The following EGLN1 variants were observed in gnomAD, a reference collection of about 807,000 sequenced individuals.
EGLN1 encodes egl nine homolog 1.
In EGLN1, 17 loss-of-function variants were observed where a neutral mutation model predicts 38.3. The ratio of observed to expected loss-of-function variants is 0.44; its 90% CI spans 0.30 to 0.67. The LOEUF (loss-of-function observed/expected upper bound fraction) is 0.67, where lower values mean the gene tolerates loss of function less well. Ranked by LOEUF, EGLN1 falls within the 30% of genes least tolerant of loss-of-function variation. The pLI, the probability that EGLN1 is intolerant of heterozygous loss-of-function variation, is 0.08. For missense variants in EGLN1, 477 were observed against 603.3 expected, an observed-to-expected ratio of 0.79 and a Z score of 2.19; for synonymous variants, 283 against 257.5, an observed-to-expected ratio of 1.10 and a Z score of -0.95.
At chr1:231,414,672 C>T (rs528460404) in intron 1 of EGLN1, among the ~76,000 whole-genome samples, 7 of 150,854 alleles carry the variant, frequency 4.6e-5, no homozygotes, top group African/African-American at 1.7e-4. Context: ...CTCGAATGTT[C>T]AAGCATATTC....
At position 231,391,091 on chromosome 1, in the gene EGLN1, TTTGTGTGTGTGTG is replaced by T. The variant is rs1272046054; in HGVS notation, c.892-17005_892-16993del. Among the ~76,000 whole-genome samples the T allele has an allele frequency of 1.4e-4, 6 of 41,384 alleles. 1 individual carries two copies. Among genetic ancestry groups the T allele is most frequent in the African/African-American group, 3.5e-4 (6 of 17,316 alleles). 27.1% of individuals were successfully genotyped at this position (41,384 alleles called of 152,430 possible). On this transcript the variant is annotated intron_variant, in intron 1 of 4. Coordinates refer to ENST00000366641, the MANE Select transcript of EGLN1 (RefSeq NM_022051.3). ...GACAGGGAACTCATTCTGTTTTTTT[TTTGTGTGTGTGTG>T]TGTGTGTGTGTGTGTGTGTGTGTGT...
At chr1:231,372,795 T>C (rs1314159152) in intron 2 of EGLN1, among the ~76,000 whole-genome samples, 1 of 152,192 alleles carries the variant, frequency 6.6e-6, no homozygotes, top group Middle Eastern at 3.2e-3. Context: ...TATTCTAAAC[T>C]TAAAACACTT....
intron 1 of EGLN1, among the ~76,000 whole-genome samples, chr1:231,417,581 C>A (rs770728827): frequency 1.8e-4 from 27 of 152,030 alleles, no homozygotes; most frequent in Non-Finnish European, 3.2e-4. Flanking sequence ...TGAAAACAAG[C>A]ATAAGCAAGG....
rs886046113 is a variant in EGLN1, at chr1:231,421,999, C to T, written c.-111G>A. Reference sequence around the variant, plus strand: ...GGGAGAGAGATAGGGGCCGTTACTGCGCCATGCACCCGCTACCCTCGCCTC... The same window carrying T: ...GGGAGAGAGATAGGGGCCGTTACTGTGCCATGCACCCGCTACCCTCGCCTC... On this transcript the variant is annotated 5_prime_UTR_variant, in exon 1 of 5. Transcript: ENST00000366641. This position sits in a 1 kb window ranked among gnomAD's most constrained non-coding sequence, Gnocchi z 5.5. 1.8e-5 allele frequency: 21 copies of T among 1,152,942 alleles called. No homozygotes were observed. Among genetic ancestry groups the T allele is most frequent in the Admixed American group, 4.3e-5 (1 of 23,088 alleles). The allele number at this position is 1,152,942 out of a possible 1,614,324, so 71.4% of individuals were successfully genotyped here.
At chr1:231,367,118 T>G (rs780259488) in intron 4 of EGLN1, among the ~76,000 whole-genome samples, 2 of 152,220 alleles carry the variant, frequency 1.3e-5, no homozygotes, top group African/African-American at 2.4e-5. Context: ...ATTTACTGAT[T>G]TTGGCATTTG....
chr1:231,384,753 A>G (rs1688154996), intron 1 of EGLN1, among the ~76,000 whole-genome samples: 1 of 152,242 alleles, frequency 6.6e-6, no homozygotes, highest in Admixed American at 6.5e-5. Context: ...AGGGGCTGGC[A>G]GACCACAGCC....
chr1:231,397,352 A>C (rs1050999324), intron 1 of EGLN1, among the ~76,000 whole-genome samples: 1 of 151,496 alleles, frequency 6.6e-6, no homozygotes, highest in African/African-American at 2.5e-5. Flanking sequence ...ACAATAACTG[A>C]GTAAAATTAC....
At chr1:231,392,062 C>T (rs908544674) in intron 1 of EGLN1, among the ~76,000 whole-genome samples, 3 of 152,144 alleles carry the variant, frequency 2.0e-5, no homozygotes, top group Non-Finnish European at 2.9e-5. Flanking sequence ...CCTAGGCGGG[C>T]GGATCACGAG....
In EGLN1 at chr1:231,419,426, T is replaced by C. The variant is rs1572055781; in HGVS notation, c.891+1572A>G. Among the ~76,000 whole-genome samples the C allele has an allele frequency of 2.0e-5, 3 of 152,220 alleles. No homozygotes were observed. The South Asian group carries it at 6.2e-4, about 31-fold the overall frequency. The stretch of plus-strand genomic sequence containing the variant: ...AAGAAAGATTTGGGACATCATCTTC[T>C]TCAAGAATCCAATTTAAGCTTATGT... On this transcript the variant is annotated intron_variant, in intron 1 of 4. Transcript: ENST00000366641.
intron 3 of EGLN1, chr1:231,369,693 A>G (rs1687765481): frequency 1.5e-6 from 1 of 671,846 alleles, no homozygotes; most frequent in Non-Finnish European, 1.8e-6. Context: ...CATCATTACT[A>G]AAGCCAACTC....
chr1:231,368,586 G>A (rs1319368150), intron 3 of EGLN1, among the ~76,000 whole-genome samples: 1 of 152,162 alleles, frequency 6.6e-6, no homozygotes, highest in African/African-American at 2.4e-5. Flanking sequence ...TGGGGAAAAT[G>A]TATAAACGCT....
At chr1:231,403,927 TTA>T (rs1688725274) in intron 1 of EGLN1, among the ~76,000 whole-genome samples, 1 of 152,036 alleles carries the variant, frequency 6.6e-6, no homozygotes, top group Non-Finnish European at 1.5e-5. Flanking sequence ...TACCTAGATA[TTA>T]TATATTTCTA....
At chr1:231,373,591 C>A (rs1687881826) in intron 2 of EGLN1, among the ~76,000 whole-genome samples, 1 of 152,094 alleles carries the variant, frequency 6.6e-6, no homozygotes, top group South Asian at 2.1e-4. Flanking sequence ...TATATACGCA[C>A]ACCCTCATGA....
At chr1:231,405,413 G>A (rs1186932560) in intron 1 of EGLN1, among the ~76,000 whole-genome samples, 8 of 152,006 alleles carry the variant, frequency 5.3e-5, no homozygotes, top group Non-Finnish European at 2.9e-5. Context: ...TCCTGACCTC[G>A]TGATCCGCCC....
At chr1:231,394,418 G>T (rs1572036031) in intron 1 of EGLN1, among the ~76,000 whole-genome samples, 2 of 137,492 alleles carry the variant, frequency 1.5e-5, no homozygotes, top group East Asian at 2.1e-4. Flanking sequence ...TCGCTCTGTT[G>T]CCCAGGTTGG....
At chr1:231,410,367 T>C (rs923446241) in intron 1 of EGLN1, among the ~76,000 whole-genome samples, 1 of 152,148 alleles carries the variant, frequency 6.6e-6, no homozygotes, top group African/African-American at 2.4e-5. Flanking sequence ...ATGGTGCCAA[T>C]AACCACTGAG....
intron 1 of EGLN1, among the ~76,000 whole-genome samples, chr1:231,407,436 T>C (rs551225540): frequency 7.7e-4 from 117 of 152,322 alleles, no homozygotes; most frequent in Middle Eastern, 3.4e-3. Flanking sequence ...ATGATAATTT[T>C]AGAAGCTTAA....
At position 231,366,374 on chromosome 1, in the gene EGLN1, A is replaced by C. The variant is rs770063599; in HGVS notation, c.*37T>G. 1 of 1,597,926 alleles carries C rather than the reference A, an allele frequency of 6.3e-7. No homozygotes were observed. The highest frequency in any genetic ancestry group is 1.7e-5 in the Admixed American group (1 of 59,962). On this transcript the variant is annotated 3_prime_UTR_variant, in exon 5 of 5. Coordinates refer to ENST00000366641, the MANE Select transcript of EGLN1 (RefSeq NM_022051.3). ...CACAAGTTAACAAATAGTTAACAAT[A>C]TTGTAGGTGAAGTGGGGTATTGCTG... is the stretch of plus-strand genomic sequence containing the variant.
At chr1:231,401,455 A>G (rs1263317416) in intron 1 of EGLN1, among the ~76,000 whole-genome samples, 1 of 152,166 alleles carries the variant, frequency 6.6e-6, no homozygotes, top group East Asian at 1.9e-4. Context: ...TAGTCTAGAA[A>G]TTTTTCTTAC....
Sources: allele counts gnomAD v4.1 joint callset (sites outside exome capture counted in the v4.1 genomes callset), GRCh38; gene constraint gnomAD v4.1.1; non-coding constraint Gnocchi (gnomAD v3.1); transcripts MANE v1.5; gene names NCBI Gene and HGNC (gene_info 2026-07-23, HGNC 2026-07-21).